The following ARHGEF10 variants were observed in gnomAD, a reference collection of about 807,000 sequenced individuals.
ARHGEF10 encodes Rho guanine nucleotide exchange factor 10.
A neutral mutation model predicts 147.4 loss-of-function variants in ARHGEF10; 140 were observed. The ratio of observed to expected loss-of-function variants is 0.95; its 90% CI spans 0.83 to 1.09. The LOEUF (loss-of-function observed/expected upper bound fraction) is 1.09. ARHGEF10 is among the 50% of genes least tolerant of loss of function. The pLI, the probability that ARHGEF10 is intolerant of heterozygous loss-of-function variation, is 0.00. For synonymous variants in ARHGEF10, 902 were observed against 695.8 expected (o/e 1.30, Z -4.67); for missense variants, 2,222 against 1,752.7 (o/e 1.27, Z -4.78).
intron 11 of ARHGEF10, among the ~76,000 whole-genome samples, chr8:1,889,843 T>C (rs1320096526): frequency 8.5e-6 from 1 of 117,204 alleles, no homozygotes; most frequent in African/African-American, 3.7e-5. Context: ...CTAGGTGGGG[T>C]GAGGTTTGTG....
At chr8:1,913,051 G>A (rs553327279) in intron 18 of ARHGEF10, among the ~76,000 whole-genome samples, 1 of 152,130 alleles carries the variant, frequency 6.6e-6, no homozygotes, top group African/African-American at 2.4e-5. Flanking sequence ...CTTCATGCAG[G>A]ATCTTTATAA....
intron 17 of ARHGEF10, among the ~76,000 whole-genome samples, chr8:1,907,128 T>G (rs556626553): frequency 5.6e-4 from 85 of 152,308 alleles, no homozygotes; most frequent in African/African-American, 1.9e-3. Flanking sequence ...TGGGCTGCTC[T>G]AGAGGATGCT....
At chr8:1,863,905 G>A (rs1028127809) in intron 4 of ARHGEF10, among the ~76,000 whole-genome samples, 1 of 151,752 alleles carries the variant, frequency 6.6e-6, no homozygotes, top group East Asian at 1.9e-4. Flanking sequence ...TGTCACAAGC[G>A]TAACCACTCC....
chr8:1,853,519 C>T (rs1349795630), intron 2 of ARHGEF10, among the ~76,000 whole-genome samples: 1 of 152,262 alleles, frequency 6.6e-6, no homozygotes, highest in Non-Finnish European at 1.5e-5. Context: ...TCAGTGTTCT[C>T]CTTCAGCTGA....
chr8:1,957,179 G>A lies in ARHGEF10; in HGVS notation c.3951G>A (p.Arg1317=). The A allele has an allele frequency of 6.2e-7, 1 of 1,612,594 alleles. No homozygotes were observed. Residue 1317 remains arginine (R), a synonymous_variant, in exon 29 of 29, where the codon CGG becomes CGA. Transcript: ENST00000349830. ...LVVCGGQGHR[R]VHRKARQPHQ... Reference sequence around the variant, plus strand: ...TCTGTGGAGGGCAGGGCCACCGCCGGGTGCACAGGAAGGCCCGGCAGCCCC... The same window carrying A: ...TCTGTGGAGGGCAGGGCCACCGCCGAGTGCACAGGAAGGCCCGGCAGCCCC...
intron 7 of ARHGEF10, chr8:1,869,718 T>G (rs1435324130): frequency 4.1e-6 from 1 of 246,492 alleles, no homozygotes; most frequent in Non-Finnish European, 8.1e-6. Context: ...CCTAGGCCGA[T>G]GCAATGGAGG....
intron 1 of ARHGEF10, among the ~76,000 whole-genome samples, chr8:1,841,210 C>A (rs573556168): frequency 6.6e-6 from 1 of 152,234 alleles, no homozygotes; most frequent in South Asian, 2.1e-4. Context: ...AATAACAGTA[C>A]CTACGTCTTG....
At chr8:1,848,045 G>A (rs1473045569) in intron 2 of ARHGEF10, among the ~76,000 whole-genome samples, 1 of 152,316 alleles carries the variant, frequency 6.6e-6, no homozygotes, top group Middle Eastern at 3.4e-3. Context: ...CAGGGCTGGC[G>A]GCCAGTTCTC....
chr8:1,868,977 G>A (rs1806852348), intron 6 of ARHGEF10, among the ~76,000 whole-genome samples: 1 of 151,982 alleles, frequency 6.6e-6, no homozygotes, highest in African/African-American at 2.4e-5. Context: ...TAAAAATAAT[G>A]CTTATGCTTT....
chr8:1,929,859 C>T (rs1812982547), intron 25 of ARHGEF10, among the ~76,000 whole-genome samples: 1 of 152,192 alleles, frequency 6.6e-6, no homozygotes, highest in Non-Finnish European at 1.5e-5. Flanking sequence ...TCGGTCCCTG[C>T]TGTTCTCTTG....
chr8:1,924,611 G>C (rs9314443), intron 21 of ARHGEF10, among the ~76,000 whole-genome samples: 1 of 152,170 alleles, frequency 6.6e-6, no homozygotes, highest in African/African-American at 2.4e-5. Context: ...TGTCCCGGAC[G>C]GGAAAGCCGT....
intron 7 of ARHGEF10, among the ~76,000 whole-genome samples, chr8:1,871,786 C>T (rs1376933193): frequency 3.3e-5 from 5 of 152,298 alleles, no homozygotes; most frequent in South Asian, 2.1e-4. Context: ...CACTACACTC[C>T]AGCCTGGGCA....
chr8:1,935,218 A>G lies in ARHGEF10; in HGVS notation c.3222+1276A>G, dbSNP rs553595205. Among the ~76,000 whole-genome samples the G allele has an allele frequency of 2.9e-3, 446 of 151,866 alleles. 1 individual carries two copies. The highest frequency in any genetic ancestry group is 4.1e-3 in the Non-Finnish European group (279 of 67,904). On this transcript the variant is annotated intron_variant, in intron 26 of 28. Transcript: ENST00000349830. ...CTCCTCCCACACACGCACACCCCCC[A>G]CAACCCCCCATCAGCCCCGTCCTGG...
rs758570445 is a variant in ARHGEF10, at chr8:1,957,104, A to C, written c.3876A>C (p.Arg1292Ser). 1 of 1,613,178 alleles carries C rather than the reference A, an allele frequency of 6.2e-7. No individual in the cohort carries two copies. The highest frequency in any genetic ancestry group is 1.3e-5 in the African/African-American group (1 of 74,942). Residue 1292 changes from arginine to serine, a missense_variant, in exon 29 of 29, where the codon AGA (arginine) becomes AGC (serine). By Grantham distance (110) the Arg-to-Ser change is moderately radical. Transcript: ENST00000349830. ...TCCTGAAGGATCCTGTCTCGCTGAG[A>C]AGCAAAGCACGCCGGGCCAAGAAAG... Reference protein sequence around the residue: ...YDLLKDPVSLRSKARRAKKAK... With the variant: ...YDLLKDPVSLSSKARRAKKAK...
intron 1 of ARHGEF10, among the ~76,000 whole-genome samples, chr8:1,835,005 G>GC (rs1803493771): frequency 6.6e-6 from 1 of 152,252 alleles, no homozygotes; most frequent in Non-Finnish European, 1.5e-5. Flanking sequence ...CATTCGCCAA[G>GC]CGGGTCCGCC....
chr8:1,841,846 G>A lies in ARHGEF10; in HGVS notation c.-47-1507G>A, dbSNP rs1389780055. ...GGAACTGGGGCCGCGACGGGAACTG[G>A]GGCCGCGGCGGGAACTGGGGCCGCG... On this transcript the variant is annotated intron_variant, in intron 1 of 28. Transcript: ENST00000349830. Among the ~76,000 whole-genome samples the A allele has an allele frequency of 3.7e-4, 43 of 116,478 alleles. 1 individual carries two copies. Among genetic ancestry groups the A allele is most frequent in the African/African-American group, 1.4e-3 (42 of 30,752 alleles). The allele number at this position is 116,478 out of a possible 152,430, so 76.4% of individuals were successfully genotyped here.
intron 3 of ARHGEF10, among the ~76,000 whole-genome samples, chr8:1,859,481 G>A (rs1259193718): frequency 2.0e-5 from 3 of 151,428 alleles, no homozygotes; most frequent in East Asian, 2.0e-4. Context: ...CCAGCCTCTC[G>A]GTTGTTTGCA....
Position 1,925,303 on chromosome 8 carries a change from T to C in ARHGEF10, c.2509T>C (p.Trp837Arg). Residue 837 changes from tryptophan to arginine, a missense_variant, in exon 22 of 29, where the codon TGG becomes CGG. Trp to Arg is a moderately radical substitution (Grantham distance 101). Coordinates refer to ENST00000349830, the MANE Select transcript of ARHGEF10 (RefSeq NM_014629.4). ...TGCAGAAGAGGAGAACCACATGGGC[T>C]GGTTCTGTGTGGAAGACGATGGGAA... ...LALEEENHMG[W>R]FCVEDDGNHI... is the part of the protein sequence containing the mutation. 1 of 1,614,204 alleles carries C rather than the reference T, an allele frequency of 6.2e-7. No individual in the cohort carries two copies. The highest frequency in any genetic ancestry group is 1.1e-5 in the South Asian group (1 of 91,088).
chr8:1,921,823 G>A (rs955236425), intron 18 of ARHGEF10, among the ~76,000 whole-genome samples: 4 of 152,160 alleles, frequency 2.6e-5, no homozygotes, highest in East Asian at 1.9e-4. Flanking sequence ...GCTCAGGTCT[G>A]TGCGATTCTA....
Sources: allele counts gnomAD v4.1 joint callset (sites outside exome capture counted in the v4.1 genomes callset), GRCh38; gene constraint gnomAD v4.1.1; transcripts MANE v1.5; gene names NCBI Gene and HGNC (gene_info 2026-07-23, HGNC 2026-07-21).